The following NCAM1 variants were observed in gnomAD, a reference collection of about 807,000 sequenced individuals.
NCAM1 encodes the protein antigen recognized by monoclonal antibody 5.1H11.
NCAM1 carries 14 observed loss-of-function variants against 109.8 expected under a neutral mutation model. The ratio of observed to expected loss-of-function variants is 0.13; its 90% CI spans 0.08 to 0.20. NCAM1 has a LOEUF of 0.20. Ranked by LOEUF, NCAM1 falls within the 10% of genes least tolerant of loss-of-function variation. The pLI is 1.00. For missense variants in NCAM1, 774 were observed against 1,109.9 expected (o/e 0.70, Z 4.30); for synonymous variants, 418 against 442.9 (o/e 0.94, Z 0.70).
In NCAM1 at chr11:113,132,604, ATGTGTGTGTGTG is replaced by A. The variant is rs71060290; in HGVS notation, c.53-69739_53-69728del. 4.6e-3 allele frequency among the ~76,000 whole-genome samples: 602 copies of A among 130,404 alleles called. 3 individuals are homozygous for A. Among genetic ancestry groups the A allele is most frequent in the African/African-American group, 0.017 (552 of 32,138 alleles). The allele number at this position is 130,404 out of a possible 152,430, so 85.6% of individuals were successfully genotyped here. On this transcript the variant is annotated intron_variant, in intron 1 of 19. Transcript: ENST00000316851. ...TGGGATCAGGCATATATTAGGAAGC[ATGTGTGTGTGTG>A]TGTGTGTGTGTGTGTGTGTGTGTGT...
intron 1 of NCAM1, among the ~76,000 whole-genome samples, chr11:112,997,626 T>C (rs1555071643): frequency 6.6e-6 from 1 of 152,156 alleles, no homozygotes; most frequent in East Asian, 1.9e-4. Context: ...TTACCATATG[T>C]AGCCCCCTCC....
At chr11:112,979,914 G>A (rs1951108476) in intron 1 of NCAM1, among the ~76,000 whole-genome samples, 1 of 151,794 alleles carries the variant, frequency 6.6e-6, no homozygotes, top group Non-Finnish European at 1.5e-5. Context: ...CTGGTATCAA[G>A]CACCACTTGA....
At chr11:113,232,456 TC>T in intron 11 of NCAM1, 102 bp downstream of exon 11, 1 of 1,248,052 alleles carries the variant, frequency 8.0e-7, no homozygotes, top group Non-Finnish European at 1.1e-6. Flanking sequence ...CTCTGGCACA[TC>T]CTGAGCAGGG....
At chr11:113,181,785 T>A (rs1943342703) in intron 1 of NCAM1, among the ~76,000 whole-genome samples, 2 of 152,116 alleles carry the variant, frequency 1.3e-5, no homozygotes, top group Non-Finnish European at 2.9e-5. Context: ...CAACCAGGGG[T>A]CCTGGTCCCA....
At chr11:113,143,609 T>A (rs144193827) in intron 1 of NCAM1, among the ~76,000 whole-genome samples, 379 of 152,278 alleles carry the variant, frequency 2.5e-3, no homozygotes, top group African/African-American at 8.7e-3. Flanking sequence ...TTATAATAGA[T>A]TGAAATTAAA....
intron 1 of NCAM1, among the ~76,000 whole-genome samples, chr11:113,186,525 T>C (rs1163455886): frequency 6.6e-6 from 1 of 152,222 alleles, no homozygotes; most frequent in Non-Finnish European, 1.5e-5. Flanking sequence ...CTAATTGCTA[T>C]AGGATCACAA....
chr11:113,081,138 C>T (rs1251662793), intron 1 of NCAM1, among the ~76,000 whole-genome samples: 1 of 152,160 alleles, frequency 6.6e-6, no homozygotes, highest in East Asian at 1.9e-4. Context: ...TCCTGATAAA[C>T]ATTGGGGATG....
chr11:113,017,634 T>TC (rs1952245108), intron 1 of NCAM1, among the ~76,000 whole-genome samples: 1 of 143,976 alleles, frequency 6.9e-6, no homozygotes, highest in Non-Finnish European at 1.5e-5. Flanking sequence ...TCAGTACTGT[T>TC]TTGTGTGTGT....
chr11:113,260,157 G>A lies in NCAM1; in HGVS notation c.1965G>A (p.Glu655=). The change falls in exon 17 of 20, where the codon GAG becomes GAA. Residue 655 remains glutamate, a synonymous_variant. Transcript: ENST00000316851. ...YLVRYRALSS[E]WKPEIRLPSG... Reference sequence around the variant, plus strand: ...GTTTCTCCCAGAAGCTCTCCTCCGAGTGGAAACCAGAGATCAGGCTCCCGT... The same window carrying A: ...GTTTCTCCCAGAAGCTCTCCTCCGAATGGAAACCAGAGATCAGGCTCCCGT... 1 of 1,611,274 alleles carries A rather than the reference G, an allele frequency of 6.2e-7. No homozygotes were observed. Among genetic ancestry groups the A allele is most frequent in the Non-Finnish European group, 8.5e-7 (1 of 1,179,220 alleles).
At chr11:113,160,034 G>T (rs1942547840) in intron 1 of NCAM1, among the ~76,000 whole-genome samples, 1 of 151,986 alleles carries the variant, frequency 6.6e-6, no homozygotes, top group Non-Finnish European at 1.5e-5. Flanking sequence ...TTCCCACTGT[G>T]CCTGAAACTA....
chr11:113,107,072 A>G (rs1940206079), intron 1 of NCAM1, among the ~76,000 whole-genome samples: 4 of 152,266 alleles, frequency 2.6e-5, no homozygotes, highest in Admixed American at 2.6e-4. Flanking sequence ...AGGATTAAGA[A>G]TAGGATTACA....
chr11:113,222,923 G>A (rs1944728766), intron 9 of NCAM1, among the ~76,000 whole-genome samples: 2 of 152,168 alleles, frequency 1.3e-5, no homozygotes, highest in South Asian at 4.2e-4. Flanking sequence ...TCTCCTGTTT[G>A]TCTCATTTGG....
intron 1 of NCAM1, among the ~76,000 whole-genome samples, chr11:113,126,052 G>C (rs1348523587): frequency 6.6e-6 from 1 of 151,242 alleles, no homozygotes; most frequent in Non-Finnish European, 1.5e-5. Context: ...AGCTGCTTGA[G>C]AGGCTGAGGT....
At chr11:112,984,846 G>A (rs1555069332) in intron 1 of NCAM1, among the ~76,000 whole-genome samples, 1 of 151,706 alleles carries the variant, frequency 6.6e-6, no homozygotes, top group Non-Finnish European at 1.5e-5. Flanking sequence ...CCAACCCATA[G>A]ACTTCCTTTT....
chr11:113,232,422 C>T, intron 11 of NCAM1, 68 bp downstream of exon 11: 1 of 1,446,842 alleles, frequency 6.9e-7, no homozygotes, highest in Non-Finnish European at 9.4e-7. Flanking sequence ...CTCCAAAATG[C>T]AGCTCAAGTC....
chr11:113,244,504 A>G (rs1945438301), intron 14 of NCAM1, among the ~76,000 whole-genome samples: 1 of 152,246 alleles, frequency 6.6e-6, no homozygotes, highest in Admixed American at 6.5e-5. Context: ...TAGCATGAAC[A>G]TATTTCTCAC....
chr11:113,152,100 A>G (rs1359187154), intron 1 of NCAM1, among the ~76,000 whole-genome samples: 1 of 152,224 alleles, frequency 6.6e-6, no homozygotes, highest in Non-Finnish European at 1.5e-5. Flanking sequence ...GCATCCAAAA[A>G]TTTAAGAATC....
rs1471711553 is a variant in NCAM1 at position 113,233,535 on chromosome 11, G to A, written c.1693+218G>A. Among the ~76,000 whole-genome samples the A allele has an allele frequency of 6.6e-6, 1 of 152,220 alleles. No individual in the cohort carries two copies. The highest frequency in any genetic ancestry group is 6.5e-5 in the Admixed American group (1 of 15,288). On this transcript the variant is annotated intron_variant, in intron 13 of 19. Transcript: ENST00000316851. This position sits in a 1 kb window ranked among gnomAD's most constrained non-coding sequence, Gnocchi z 4.5. Reference sequence around the variant, plus strand: ...TTCTCATGACCCTTCCAGTATGGATGAAGGCATCTGTACCACATTCCAGGC... The same window carrying A: ...TTCTCATGACCCTTCCAGTATGGATAAAGGCATCTGTACCACATTCCAGGC...
At chr11:113,091,982 G>A (rs1196197853) in intron 1 of NCAM1, among the ~76,000 whole-genome samples, 3 of 151,822 alleles carry the variant, frequency 2.0e-5, no homozygotes, top group East Asian at 1.9e-4. Flanking sequence ...AGTTCTACTC[G>A]AGTTCTGATT....
Sources: allele counts gnomAD v4.1 joint callset (sites outside exome capture counted in the v4.1 genomes callset), GRCh38; gene constraint gnomAD v4.1.1; non-coding constraint Gnocchi (gnomAD v3.1); transcripts MANE v1.5; gene names NCBI Gene and HGNC (gene_info 2026-07-23, HGNC 2026-07-21).